Variants in FMNL2 observed in about 807,000 individuals in gnomAD.
FMNL2 encodes the protein formin like 2, also known as formin-like protein 2.
Under a neutral mutation model 130.2 loss-of-function variants are expected in FMNL2, and 51 were observed. The observed-to-expected ratio is 0.39, with a 90% CI of 0.31 to 0.49. The LOEUF (loss-of-function observed/expected upper bound fraction) is 0.49. Among genes scored for constraint, FMNL2 ranks in the 20% least tolerant of loss-of-function variants. FMNL2 has a pLI of 0.85. For missense variants in FMNL2, 977 were observed against 1,316.2 expected, an observed-to-expected ratio of 0.74 and a Z score of 3.99; for synonymous variants, 465 against 467.1, an observed-to-expected ratio of 1.00 and a Z score of 0.06.
At chr2:152,461,216 T>A (rs1453256142) in intron 1 of FMNL2, among the ~76,000 whole-genome samples, 2 of 152,228 alleles carry the variant, frequency 1.3e-5, no homozygotes. Flanking sequence ...AAAGAAACAG[T>A]TCACCTGGTT....
chr2:152,342,394 G>A (rs1451879583), intron 1 of FMNL2, among the ~76,000 whole-genome samples: 1 of 152,230 alleles, frequency 6.6e-6, no homozygotes, highest in African/African-American at 2.4e-5. Flanking sequence ...AGGAACTTAG[G>A]AGGGAAGGTG....
intron 1 of FMNL2, among the ~76,000 whole-genome samples, chr2:152,447,790 T>C (rs1341317000): frequency 2.0e-5 from 3 of 152,194 alleles, no homozygotes; most frequent in African/African-American, 7.2e-5. Flanking sequence ...TTCCTTTTCT[T>C]TGACTGTCGT....
chr2:152,408,466 A>G (rs1000425506), intron 1 of FMNL2, among the ~76,000 whole-genome samples: 12 of 152,080 alleles, frequency 7.9e-5, no homozygotes, highest in Non-Finnish European at 1.3e-4. Flanking sequence ...CTGGCTTAGC[A>G]TTTTCTTCCC....
At chr2:152,360,318 C>A (rs1464341433) in intron 1 of FMNL2, among the ~76,000 whole-genome samples, 1 of 151,690 alleles carries the variant, frequency 6.6e-6, no homozygotes, top group African/African-American at 2.4e-5. Context: ...TTTCTTTCTT[C>A]TTTTCCTCTT....
chr2:152,459,546 A>C (rs894077810), intron 1 of FMNL2, among the ~76,000 whole-genome samples: 1 of 152,196 alleles, frequency 6.6e-6, no homozygotes, highest in Non-Finnish European at 1.5e-5. Context: ...GTTTCTTTCA[A>C]TTTTGTGCCT....
chr2:152,400,717 C>G (rs1685645463), intron 1 of FMNL2, among the ~76,000 whole-genome samples: 1 of 152,114 alleles, frequency 6.6e-6, no homozygotes, highest in Non-Finnish European at 1.5e-5. Context: ...GTGTCCTGTG[C>G]TTTGTAGGAT....
chr2:152,627,757 A>G (rs1272034599), intron 17 of FMNL2, among the ~76,000 whole-genome samples: 1 of 152,242 alleles, frequency 6.6e-6, no homozygotes. Context: ...CAAGGAATGT[A>G]TGCACTTAAC....
intron 1 of FMNL2, among the ~76,000 whole-genome samples, chr2:152,450,891 A>G (rs1688602638): frequency 6.6e-6 from 1 of 152,200 alleles, no homozygotes; most frequent in African/African-American, 2.4e-5. Flanking sequence ...CCATGTGTCC[A>G]TTACCCATGG....
intron 1 of FMNL2, among the ~76,000 whole-genome samples, chr2:152,503,461 G>T (rs1012541652): frequency 1.3e-5 from 2 of 152,144 alleles, no homozygotes; most frequent in African/African-American, 4.8e-5. Flanking sequence ...GACATAGAGG[G>T]TGGGGAATTC....
chr2:152,516,540 T>C (rs1415723037), intron 1 of FMNL2, among the ~76,000 whole-genome samples: 1 of 152,076 alleles, frequency 6.6e-6, no homozygotes. Flanking sequence ...TGCTTGTGAG[T>C]TTTAATTTAG....
At chr2:152,597,421 A>G (rs1307807755) in intron 9 of FMNL2, among the ~76,000 whole-genome samples, 1 of 152,010 alleles carries the variant, frequency 6.6e-6, no homozygotes, top group Non-Finnish European at 1.5e-5. Flanking sequence ...CTTTATGCAG[A>G]CTCCCCATTT....
intron 15 of FMNL2, among the ~76,000 whole-genome samples, chr2:152,621,635 A>G (rs1681312227): frequency 6.6e-6 from 1 of 152,212 alleles, no homozygotes; most frequent in South Asian, 2.1e-4. Flanking sequence ...TGGAAGCATT[A>G]TAAGATCCTT....
At position 152,392,231 on chromosome 2, in the gene FMNL2, T is replaced by C. The variant is rs969665314; in HGVS notation, c.117+56511T>C. Among the ~76,000 whole-genome samples the C allele has an allele frequency of 2.0e-4, 30 of 152,186 alleles. 1 individual carries two copies. The highest frequency in any genetic ancestry group is 2.0e-3 in the Admixed American group (30 of 15,284). On this transcript the variant is annotated intron_variant, in intron 1 of 25. Transcript: ENST00000288670. ...TTCTCATCTTCCTTTGTCAGAGTTC[T>C]GTTTGAGGTGACCAAAGCCACTTGG...
chr2:152,594,306 A>G (rs1488134733), intron 9 of FMNL2, among the ~76,000 whole-genome samples: 1 of 152,234 alleles, frequency 6.6e-6, no homozygotes, highest in Non-Finnish European at 1.5e-5. Context: ...GACTGCAGAT[A>G]TGAAAACAAG....
intron 3 of FMNL2, among the ~76,000 whole-genome samples, chr2:152,543,175 C>A (rs1579924081): frequency 2.0e-5 from 3 of 152,286 alleles, no homozygotes; most frequent in African/African-American, 7.2e-5. Flanking sequence ...TGCCTTGGTG[C>A]ATTTCCAGAG....
intron 6 of FMNL2, among the ~76,000 whole-genome samples, chr2:152,567,297 G>A (rs1376445271): frequency 2.0e-5 from 3 of 152,110 alleles, no homozygotes. Context: ...CCTTTCATTT[G>A]CTCCATTCAA....
intron 1 of FMNL2, among the ~76,000 whole-genome samples, chr2:152,382,528 T>C (rs1684531123): frequency 2.0e-5 from 3 of 152,166 alleles, no homozygotes; most frequent in African/African-American, 7.2e-5. Flanking sequence ...AAGATCCTGA[T>C]GCTAATAGAG....
chr2:152,367,857 C>T (rs541387564), intron 1 of FMNL2, among the ~76,000 whole-genome samples: 1 of 152,298 alleles, frequency 6.6e-6, no homozygotes, highest in South Asian at 2.1e-4. Context: ...CTGTTGTGAC[C>T]ATGTTCAACT....
At chr2:152,642,104 A>G (rs529138392) in intron 25 of FMNL2, among the ~76,000 whole-genome samples, 376 of 151,988 alleles carry the variant, frequency 2.5e-3, no homozygotes, top group Non-Finnish European at 4.7e-3. Flanking sequence ...CCACGCCTGG[A>G]TAATTTTTTG....
Sources: allele counts gnomAD v4.1 joint callset (sites outside exome capture counted in the v4.1 genomes callset), GRCh38; gene constraint gnomAD v4.1.1; transcripts MANE v1.5; gene names NCBI Gene and HGNC (gene_info 2026-07-23, HGNC 2026-07-21).